ARHGAP21: variants seen among roughly 807,000 people sequenced by gnomAD.
The protein encoded by ARHGAP21 is rho GTPase-activating protein 21.
In ARHGAP21, 38 loss-of-function variants were observed where a neutral mutation model predicts 164.6. The observed-to-expected ratio is 0.23, with a 90% CI of 0.18 to 0.30. The LOEUF is 0.30. Ranked by LOEUF, ARHGAP21 falls within the 10% of genes least tolerant of loss-of-function variation. ARHGAP21 has a pLI of 1.00. For synonymous variants in ARHGAP21, 766 were observed against 857.9 expected (o/e 0.89, Z 1.87); for missense variants, 1,822 against 2,370.7 (o/e 0.77, Z 4.81).
intron 11 of ARHGAP21, 168 bp downstream of exon 11, chr10:24,607,331 G>T: frequency 1.6e-6 from 1 of 635,900 alleles, no homozygotes; most frequent in Non-Finnish European, 2.7e-6. Flanking sequence ...GTGTGTTACT[G>T]ATTTTTAAAA....
intron 2 of ARHGAP21, among the ~76,000 whole-genome samples, chr10:24,685,445 C>G (rs1489925339): frequency 6.6e-6 from 1 of 152,162 alleles, no homozygotes; most frequent in African/African-American, 2.4e-5. Context: ...CTACCAAAAT[C>G]AAAGATCACG....
intron 2 of ARHGAP21, among the ~76,000 whole-genome samples, chr10:24,719,295 G>C (rs1845702922): frequency 6.6e-6 from 1 of 152,146 alleles, no homozygotes; most frequent in Admixed American, 6.6e-5. Flanking sequence ...TATTTGAAGA[G>C]GGCTGTTTAT....
intron 13 of ARHGAP21, 84 bp from the exon 14 acceptor site, chr10:24,601,014 C>T: frequency 2.0e-6 from 3 of 1,477,336 alleles, no homozygotes; most frequent in Non-Finnish European, 2.8e-6. Context: ...AACACCCTTC[C>T]TCTGCATTTA....
At chr10:24,622,471 TATATATATATATATAC>T (rs1834670767) in intron 8 of ARHGAP21, among the ~76,000 whole-genome samples, 1 of 77,878 alleles carries the variant, frequency 1.3e-5, no homozygotes, top group Non-Finnish European at 2.7e-5. Context: ...TATATATATA[TATATATATATATATAC>T]TGATGCAGAT....
At chr10:24,594,498 ACTG>A (rs1489427110) in intron 21 of ARHGAP21, among the ~76,000 whole-genome samples, 1 of 152,048 alleles carries the variant, frequency 6.6e-6, no homozygotes, top group Non-Finnish European at 1.5e-5. Context: ...AAAAAGAAAA[ACTG>A]AATGTGAACT....
intron 9 of ARHGAP21, 112 bp downstream of exon 9, chr10:24,619,361 A>T (rs564130037): frequency 2.7e-6 from 3 of 1,091,680 alleles, no homozygotes; most frequent in East Asian, 5.0e-5. Flanking sequence ...CACTAGAAAC[A>T]TTTTAAAATC....
chr10:24,657,247 T>TG (rs1234822222), intron 4 of ARHGAP21, among the ~76,000 whole-genome samples: 3 of 18,236 alleles, frequency 1.6e-4, no homozygotes, highest in Non-Finnish European at 2.8e-4. Context: ...GGGAGGGAGG[T>TG]GGGGGGGTCA....
intron 2 of ARHGAP21, among the ~76,000 whole-genome samples, chr10:24,679,561 C>T (rs1299848671): frequency 6.6e-6 from 1 of 152,196 alleles, no homozygotes; most frequent in Admixed American, 6.5e-5. Context: ...CTGGTTGTAC[C>T]ATTTTACATG....
At chr10:24,720,129 C>T (rs1845784608) in intron 2 of ARHGAP21, among the ~76,000 whole-genome samples, 1 of 151,954 alleles carries the variant, frequency 6.6e-6, no homozygotes, top group Non-Finnish European at 1.5e-5. Flanking sequence ...AATTTCACAG[C>T]CGTTAAAAAA....
chr10:24,702,122 C>T (rs1249302729), intron 2 of ARHGAP21, among the ~76,000 whole-genome samples: 1 of 132,908 alleles, frequency 7.5e-6, no homozygotes, highest in Non-Finnish European at 1.6e-5. Context: ...AAAATACTTC[C>T]GGTTCTTTTT....
At chr10:24,597,629 C>CT (rs2076640553) in intron 15 of ARHGAP21, 46 bp from the exon 16 acceptor site, 2 of 1,604,454 alleles carry the variant, frequency 1.2e-6, no homozygotes, top group African/African-American at 1.3e-5. Context: ...TAATCCCCCT[C>CT]TATCTATGGT....
chr10:24,710,188 T>C (rs1158531625), intron 2 of ARHGAP21, among the ~76,000 whole-genome samples: 2 of 152,190 alleles, frequency 1.3e-5, no homozygotes, highest in Non-Finnish European at 2.9e-5. Context: ...ATATCCAGTA[T>C]CTCTAGATAT....
In ARHGAP21 at chr10:24,723,844, C is replaced by T. The variant is rs888432071; in HGVS notation, c.-663G>A. 8.7e-5 allele frequency among the ~76,000 whole-genome samples: 13 copies of T among 150,284 alleles called. No individual in the cohort carries two copies. The highest frequency in any genetic ancestry group is 3.2e-4 in the African/African-American group (13 of 41,154). On this transcript the variant is annotated 5_prime_UTR_variant, in exon 1 of 26. Coordinates refer to ENST00000396432, the MANE Select transcript of ARHGAP21 (RefSeq NM_020824.4). ...TCTCCCCTCGCCTCGCCGGGCCGGG[C>T]CGGGGCCCAGCTCCGGCGCCCGCGA...
At chr10:24,697,061 T>C (rs978364113) in intron 2 of ARHGAP21, among the ~76,000 whole-genome samples, 2 of 152,104 alleles carry the variant, frequency 1.3e-5, no homozygotes, top group Non-Finnish European at 2.9e-5. Flanking sequence ...AAAATCAAGA[T>C]AGCATCCAGA....
chr10:24,592,971 T>C (rs2076402975), intron 21 of ARHGAP21, among the ~76,000 whole-genome samples: 1 of 152,154 alleles, frequency 6.6e-6, no homozygotes, highest in Non-Finnish European at 1.5e-5. Flanking sequence ...AATTATCAGA[T>C]TGTCAAAGGT....
At chr10:24,640,342 TGAG>T (rs1836876045) in intron 4 of ARHGAP21, 1 of 151,510 alleles carries the variant, frequency 6.6e-6, no homozygotes, top group Non-Finnish European at 1.5e-5. Context: ...TAACTGAGAT[TGAG>T]CTTTTGTTTC....
chr10:24,667,617 C>T (rs1840320746), intron 3 of ARHGAP21, among the ~76,000 whole-genome samples: 1 of 152,144 alleles, frequency 6.6e-6, no homozygotes, highest in Non-Finnish European at 1.5e-5. Context: ...AAAAACTAGT[C>T]TAAAAATACA....
chr10:24,717,568 G>A (rs1166853450), intron 2 of ARHGAP21, among the ~76,000 whole-genome samples: 2 of 152,108 alleles, frequency 1.3e-5, no homozygotes, highest in Non-Finnish European at 2.9e-5. Flanking sequence ...TGGAGCAGAG[G>A]GAGGAGGAAC....
intron 7 of ARHGAP21, among the ~76,000 whole-genome samples, chr10:24,628,155 C>T (rs1835325889): frequency 6.6e-6 from 1 of 152,192 alleles, no homozygotes; most frequent in African/African-American, 2.4e-5. Context: ...GTTATGTCTG[C>T]TACATGATCA....
Sources: gnomAD v4.1 joint callset for allele counts (sites outside exome capture counted in the v4.1 genomes callset) on GRCh38, gnomAD v4.1.1 for gene constraint, MANE v1.5 for transcripts, NCBI Gene and HGNC (gene_info 2026-07-23, HGNC 2026-07-21) for gene names.